Variants in EPB41L3 observed in about 807,000 individuals in gnomAD.
EPB41L3 encodes the protein band 4.1-like protein 3.
A neutral mutation model predicts 127.1 loss-of-function variants in EPB41L3; 57 were observed. The ratio of observed to expected loss-of-function variants is 0.45; its 90% CI spans 0.36 to 0.56. EPB41L3 has a LOEUF of 0.56. EPB41L3 is among the 20% of genes least tolerant of loss of function. The pLI, the probability that EPB41L3 is intolerant of heterozygous loss-of-function variation, is 0.00. For missense variants in EPB41L3, 1,273 were observed against 1,372.2 expected (o/e 0.93, Z 1.14); for synonymous variants, 572 against 549.5 (o/e 1.04, Z -0.57).
At position 5,569,486 on chromosome 18, in the gene EPB41L3, G is replaced by T. The variant is rs191651437; in HGVS notation, c.-306+42854C>A. ...ATTGTGAATGAGCAGCCACATGAGT[G>T]ATCACCTCAGGGATGAGAGAGGGAT... On this transcript the variant is annotated intron_variant, in intron 3 of 21. Coordinates refer to the EPB41L3 transcript ENST00000545076. Among the ~76,000 whole-genome samples, 12 of 152,300 alleles carry T rather than the reference G, an allele frequency of 7.9e-5. 1 individual carries two copies. Among genetic ancestry groups the T allele is most frequent in the African/African-American group, 2.2e-4 (9 of 41,564 alleles).
At chr18:5,487,824 G>A (rs1599653302) in intron 2 of EPB41L3, among the ~76,000 whole-genome samples, 1 of 149,982 alleles carries the variant, frequency 6.7e-6, no homozygotes, top group Non-Finnish European at 1.5e-5. Context: ...AAATACTCTA[G>A]GTAAAGAAAT....
At chr18:5,618,517 C>T (rs533519999) in intron 1 of EPB41L3, among the ~76,000 whole-genome samples, 1 of 152,194 alleles carries the variant, frequency 6.6e-6, no homozygotes, top group Admixed American at 6.5e-5. Context: ...TTTCTCCCCA[C>T]GGGATTTCAG....
chr18:5,552,252 C>G (rs1174420719), intron 3 of EPB41L3, among the ~76,000 whole-genome samples: 1 of 152,154 alleles, frequency 6.6e-6, no homozygotes, highest in Non-Finnish European at 1.5e-5. Context: ...AGCTGGCTAC[C>G]CAGTTCATAG....
intron 13 of EPB41L3, among the ~76,000 whole-genome samples, chr18:5,415,064 T>C (rs980843039): frequency 1.3e-5 from 2 of 152,218 alleles, no homozygotes; most frequent in African/African-American, 4.8e-5. Flanking sequence ...ATTATCTGCA[T>C]TGGCATTGCT....
chr18:5,596,264 G>A (rs1599196376), intron 3 of EPB41L3, among the ~76,000 whole-genome samples: 1 of 152,308 alleles, frequency 6.6e-6, no homozygotes, highest in East Asian at 1.9e-4. Flanking sequence ...TCCCACCCCT[G>A]CAGTCTATGC....
At chr18:5,612,146 T>C (rs1050558722) in intron 3 of EPB41L3, among the ~76,000 whole-genome samples, 2 of 151,258 alleles carry the variant, frequency 1.3e-5, no homozygotes, top group African/African-American at 4.9e-5. Flanking sequence ...GGCCACCCTG[T>C]GTAGACCCAA....
intron 10 of EPB41L3, 142 bp downstream of exon 10, chr18:5,424,120 A>G (rs1043136547): frequency 9.9e-6 from 6 of 607,362 alleles, no homozygotes; most frequent in African/African-American, 1.9e-5. Context: ...TAGTTCTCTT[A>G]GGATTTCTTA....
At chr18:5,484,941 C>CA (rs200783747) in intron 2 of EPB41L3, among the ~76,000 whole-genome samples, 2,870 of 140,946 alleles carry the variant, frequency 0.02, 23 homozygotes, top group Middle Eastern at 0.058. Context: ...TTAAACTCTT[C>CA]AAAAAAAAAA....
chr18:5,611,581 T>C (rs775691964), intron 3 of EPB41L3, among the ~76,000 whole-genome samples: 21 of 152,204 alleles, frequency 1.4e-4, no homozygotes, highest in Non-Finnish European at 2.6e-4. Context: ...ACTATTTATT[T>C]TGAACTTTTA....
In EPB41L3 at chr18:5,407,848, C is replaced by T. The variant is rs1598543557; in HGVS notation, c.2122-112G>A. ...AAATGTGGGCACGTGTACGCTCTTG[C>T]ATATGGATGCCACTTCTTTCTTATA... is the stretch of plus-strand genomic sequence containing the variant. On this transcript the variant is annotated intron_variant, in intron 14 of 22. Coordinates refer to ENST00000341928, the MANE Select transcript of EPB41L3 (RefSeq NM_012307.5). The T allele has an allele frequency of 1.0e-5, 9 of 863,568 alleles. No individual in the cohort carries two copies. The East Asian group carries it at 2.2e-4, about 21-fold the overall frequency. The allele number at this position is 863,568 out of a possible 1,614,324, so 53.5% of individuals were successfully genotyped here.
At chr18:5,483,171 T>C (rs1207421090) in intron 2 of EPB41L3, among the ~76,000 whole-genome samples, 1 of 151,996 alleles carries the variant, frequency 6.6e-6, no homozygotes, top group Non-Finnish European at 1.5e-5. Context: ...AAGTATAGAA[T>C]TGGGGTGTGT....
At chr18:5,461,058 AG>A (rs1413621202) in intron 3 of EPB41L3, among the ~76,000 whole-genome samples, 2 of 152,170 alleles carry the variant, frequency 1.3e-5, no homozygotes, top group Admixed American at 1.3e-4. Context: ...AGGAATTTGC[AG>A]TCATCATACT....
chr18:5,505,642 A>C (rs1598414189), intron 1 of EPB41L3, among the ~76,000 whole-genome samples: 2 of 85,304 alleles, frequency 2.3e-5, no homozygotes, highest in Non-Finnish European at 4.7e-5. Flanking sequence ...CTTCACCTCC[A>C]CCCCTACCAT....
At chr18:5,629,827 C>T (rs2094971181), upstream of EPB41L3, among the ~76,000 whole-genome samples, 1 of 152,158 alleles carries the variant, frequency 6.6e-6, no homozygotes, top group Non-Finnish European at 1.5e-5. Flanking sequence ...CGCTCCAACT[C>T]CGGCGAGGGC....
At chr18:5,538,573 AAAG>A (rs1162499128) in intron 1 of EPB41L3, among the ~76,000 whole-genome samples, 3 of 152,272 alleles carry the variant, frequency 2.0e-5, no homozygotes, top group South Asian at 2.1e-4. Context: ...AAAAATGACC[AAAG>A]AAGAGAGAGC....
chr18:5,612,940 C>G (rs2094745787), intron 2 of EPB41L3, among the ~76,000 whole-genome samples: 1 of 152,140 alleles, frequency 6.6e-6, no homozygotes, highest in South Asian at 2.1e-4. Flanking sequence ...GAGGTTTCAC[C>G]ATGTTGGCCA....
At chr18:5,509,653 T>G (rs1159244686) in intron 1 of EPB41L3, among the ~76,000 whole-genome samples, 2 of 152,204 alleles carry the variant, frequency 1.3e-5, no homozygotes, top group African/African-American at 4.8e-5. Context: ...CCAAATCACC[T>G]TAAGTAAATT....
intron 3 of EPB41L3, among the ~76,000 whole-genome samples, chr18:5,591,646 T>G (rs1262593593): frequency 6.6e-6 from 1 of 152,228 alleles, no homozygotes; most frequent in East Asian, 1.9e-4. Flanking sequence ...AATATTAGAA[T>G]ATAAAATTTC....
intron 3 of EPB41L3, among the ~76,000 whole-genome samples, chr18:5,560,956 TTTATTTATTTATTTA>T (rs1279808782): frequency 8.6e-6 from 1 of 116,712 alleles, no homozygotes; most frequent in Non-Finnish European, 1.8e-5. Context: ...TATTTATTTA[TTTATTTATTTATTTA>T]TTTATTTATT....
Sources: allele counts gnomAD v4.1 joint callset (sites outside exome capture counted in the v4.1 genomes callset), GRCh38; gene constraint gnomAD v4.1.1; transcripts MANE v1.5; gene names NCBI Gene and HGNC (gene_info 2026-07-23, HGNC 2026-07-21).